The following PPIA variants were observed in gnomAD, a reference collection of about 807,000 sequenced individuals.
The protein encoded by PPIA is peptidyl-prolyl cis-trans isomerase A.
PPIA carries 2 observed loss-of-function variants against 15.3 expected under a neutral mutation model. The ratio of observed to expected loss-of-function variants is 0.13; its 90% CI spans 0.05 to 0.41. The LOEUF is 0.41. Among genes scored for constraint, PPIA ranks in the 10% least tolerant of loss-of-function variants. The pLI is 0.99. For synonymous variants in PPIA, 67 were observed against 73.1 expected (o/e 0.92, Z 0.43); for missense variants, 103 against 210.3 (o/e 0.49, Z 3.16).
chr7:44,797,896 G>A (rs765659670), intron 1 of PPIA: 2 of 152,166 alleles, frequency 1.3e-5, no homozygotes, highest in Non-Finnish European at 2.9e-5. Flanking sequence ...TCTTCGTGAG[G>A]ACAGAGCGAT....
At chr7:44,799,908 CTAAA>C in intron 4 of PPIA, 34 bp downstream of exon 4, 1 of 1,597,874 alleles carries the variant, frequency 6.3e-7, no homozygotes, top group Non-Finnish European at 8.5e-7. Context: ...AACCACCTGA[CTAAA>C]TGAAAAGTTG....
chr7:44,800,822 T>G (rs1197163893), intron 4 of PPIA, among the ~76,000 whole-genome samples: 3 of 152,100 alleles, frequency 2.0e-5, no homozygotes, highest in African/African-American at 7.2e-5. Flanking sequence ...ATTCTATATG[T>G]GTAACTCTTT....
In PPIA at chr7:44,801,533, A is replaced by G. The variant is rs1192026542; in HGVS notation, c.*111A>G. 1 of 670,882 alleles carries G rather than the reference A, an allele frequency of 1.5e-6. No individual in the cohort carries two copies. Among genetic ancestry groups the G allele is most frequent in the Non-Finnish European group, 2.5e-6 (1 of 401,272 alleles). 41.6% of individuals were successfully genotyped at this position (670,882 alleles called of 1,614,324 possible). A position where few individuals can be genotyped will look rare whatever the true frequency, so the allele number is the denominator to read the frequency against. ...CCTAGAATCTTTGTGCTCTCGCTGC[A>G]GTTCCCTTTGGGTTCCATGTTTTCC... On this transcript the variant is annotated 3_prime_UTR_variant, in exon 5 of 5. Coordinates refer to ENST00000468812, the MANE Select transcript of PPIA (RefSeq NM_021130.5).
rs1406142088 is a variant in PPIA, at chr7:44,796,901, C to T, written c.69+108C>T. Reference sequence around the variant, plus strand: ...GCGCGGGGCGACCCTGCTTGAGGGGCGAGCGCGGGCGGGCTGCGGCGCCAT... The same window carrying T: ...GCGCGGGGCGACCCTGCTTGAGGGGTGAGCGCGGGCGGGCTGCGGCGCCAT... On this transcript the variant is annotated intron_variant, in intron 1 of 4. Coordinates refer to ENST00000468812, the MANE Select transcript of PPIA (RefSeq NM_021130.5). 3.4e-6 allele frequency: 4 copies of T among 1,192,012 alleles called. No homozygotes were observed. In the South Asian group the frequency reaches 4.9e-5, roughly 15 times the overall value. The allele number at this position is 1,192,012 out of a possible 1,614,324, so 73.8% of individuals were successfully genotyped here.
chr7:44,802,814 T>G lies in PPIA; in HGVS notation c.*1392T>G, dbSNP rs1163847287. ...TACAGTGCTTGCTGGCAGTTAGATGTCAGGACAATCTAAGCTGAGAAAACC... is the reference window on the plus strand; with the variant it reads ...TACAGTGCTTGCTGGCAGTTAGATGGCAGGACAATCTAAGCTGAGAAAACC... On this transcript the variant is annotated 3_prime_UTR_variant, in exon 5 of 5. Coordinates refer to ENST00000468812, the MANE Select transcript of PPIA (RefSeq NM_021130.5). 1.4e-5 allele frequency: 2 copies of G among 145,548 alleles called. No individual in the cohort carries two copies. Among genetic ancestry groups the G allele is most frequent in the Non-Finnish European group, 3.1e-5 (2 of 64,172 alleles). 9.0% of individuals were successfully genotyped at this position (145,548 alleles called of 1,614,324 possible).
At position 44,799,752 on chromosome 7, in the gene PPIA, G is replaced by A; in HGVS notation, c.240G>A (p.Gly80=). 6.2e-7 allele frequency: 1 copy of A among 1,613,946 alleles called. No individual in the cohort carries two copies. The highest frequency in any genetic ancestry group is 8.5e-7 in the Non-Finnish European group (1 of 1,179,894). Residue 80 remains glycine, a synonymous_variant, in exon 4 of 5, where the codon GGG becomes GGA. Transcript: ENST00000468812. Reference sequence around the variant, plus strand: ...GCACTGGTGGCAAGTCCATCTATGGGGAGAAATTTGAAGATGAGAACTTCA... The same window carrying A: ...GCACTGGTGGCAAGTCCATCTATGGAGAGAAATTTGAAGATGAGAACTTCA... ...HNGTGGKSIY[G]EKFEDENFIL...
intron 1 of PPIA, 102 bp downstream of exon 1, chr7:44,796,895 G>C (rs548723484): frequency 1.2e-5 from 15 of 1,280,882 alleles, no homozygotes; most frequent in Non-Finnish European, 1.6e-5. Context: ...GACCCTGCTT[G>C]AGGGGCGAGC....
Position 44,796,710 on chromosome 7 carries a change from C to A in PPIA, c.-15C>A, listed in dbSNP as rs371436086. On this transcript the variant is annotated 5_prime_UTR_variant, in exon 1 of 5. Transcript: ENST00000468812. The stretch of plus-strand genomic sequence containing the variant: ...TGCAGACGCCACCGCCGAGGAAAAC[C>A]GTGTACTATTAGCCATGGTCAACCC... 28 of 1,609,944 alleles carry A rather than the reference C, an allele frequency of 1.7e-5. No homozygotes were observed. In the African/African-American group the frequency reaches 3.4e-4, roughly 19 times the overall value.
chr7:44,797,082 C>T (rs905040669), intron 1 of PPIA, among the ~76,000 whole-genome samples: 1 of 152,208 alleles, frequency 6.6e-6, no homozygotes, highest in Non-Finnish European at 1.5e-5. Context: ...TCCTGTCCGA[C>T]GCACGTGCTC....
chr7:44,801,188 A>T lies in PPIA; in HGVS notation c.363-99A>T, dbSNP rs1489025624. 4.4e-5 allele frequency: 18 copies of T among 404,976 alleles called. No individual in the cohort carries two copies. The East Asian group carries it at 0.012, about 274-fold the overall frequency. The allele number at this position is 404,976 out of a possible 1,614,324, so 25.1% of individuals were successfully genotyped here. A position where few individuals can be genotyped will look rare whatever the true frequency, so the allele number is the denominator to read the frequency against. ...CATTTAGTACAAAAGGCTTCAGTTA[A>T]AAAAAAAAAAAAAAGCTACCTTTCT... On this transcript the variant is annotated intron_variant, in intron 4 of 4. Coordinates refer to ENST00000468812, the MANE Select transcript of PPIA (RefSeq NM_021130.5).
At chr7:44,798,034 T>G (rs939881048) in intron 1 of PPIA, 2 of 152,292 alleles carry the variant, frequency 1.3e-5, no homozygotes, top group African/African-American at 4.8e-5. Flanking sequence ...TCGTGGAAAC[T>G]TGGCCTGACC....
intron 4 of PPIA, among the ~76,000 whole-genome samples, chr7:44,800,791 TG>T (rs1792530168): frequency 6.6e-6 from 1 of 152,000 alleles, no homozygotes; most frequent in South Asian, 2.1e-4. Context: ...TGTTTGTTTT[TG>T]GGGGAGGGGG....
intron 1 of PPIA, chr7:44,798,810 T>G: frequency 1.0e-6 from 1 of 995,152 alleles, no homozygotes; most frequent in Non-Finnish European, 1.2e-6. Context: ...GTTAACAGAT[T>G]GGAGGTAGTA....
chr7:44,796,917 G>T (rs1792385265), intron 1 of PPIA, 124 bp downstream of exon 1: 1 of 1,099,474 alleles, frequency 9.1e-7, no homozygotes, highest in Non-Finnish European at 1.2e-6. Flanking sequence ...CGGGCGGGCT[G>T]CGGCGCCATT....
In PPIA at chr7:44,801,401, T is replaced by A. The variant is rs752043059; in HGVS notation, c.477T>A (p.Ala159=). The change falls in exon 5 of 5, where the codon GCT becomes GCA. Residue 159 remains alanine, a synonymous_variant. Transcript: ENST00000468812. The part of the protein sequence containing the change: ...NGKTSKKITI[A]DCGQLE ...AGACCAGCAAGAAGATCACCATTGC[T>A]GACTGTGGACAACTCGAATAAGTTT... is the stretch of plus-strand genomic sequence containing the variant. 2 of 1,555,222 alleles carry A rather than the reference T, an allele frequency of 1.3e-6. No individual in the cohort carries two copies. The highest frequency in any genetic ancestry group is 3.3e-5 in the Admixed American group (2 of 59,844).
rs1179212606 is a variant in PPIA at position 44,799,005 on chromosome 7, A to G, written c.70-242A>G. ...GTACTAAAAGTTTGAGACACTTTCT[A>G]GAAGTCTCACTATTTAAGTTATGAC... is the stretch of plus-strand genomic sequence containing the variant. On this transcript the variant is annotated intron_variant, in intron 1 of 4. Coordinates refer to ENST00000468812, the MANE Select transcript of PPIA (RefSeq NM_021130.5). 1.1e-5 allele frequency: 13 copies of G among 1,177,048 alleles called. No homozygotes were observed. The African/African-American group carries it at 1.3e-4, about 12-fold the overall frequency. The allele number at this position is 1,177,048 out of a possible 1,614,324, so 72.9% of individuals were successfully genotyped here. A position where few individuals can be genotyped will look rare whatever the true frequency, so the allele number is the denominator to read the frequency against.
intron 4 of PPIA, 44 bp from the exon 5 acceptor site, chr7:44,801,243 T>C (rs961637983): frequency 1.2e-6 from 2 of 1,606,242 alleles, no homozygotes; most frequent in Non-Finnish European, 1.7e-6. Flanking sequence ...TGGAGGCTGC[T>C]TGTTTGTGGT....
chr7:44,797,703 C>G (rs1308296377), intron 1 of PPIA, among the ~76,000 whole-genome samples: 2 of 152,222 alleles, frequency 1.3e-5, no homozygotes, highest in African/African-American at 4.8e-5. Flanking sequence ...AGCATAGTAT[C>G]TAAACTTGGC....
At chr7:44,798,042 A>C (rs2116982457) in intron 1 of PPIA, 2 of 152,284 alleles carry the variant, frequency 1.3e-5, no homozygotes, top group Admixed American at 1.3e-4. Context: ...ACTTGGCCTG[A>C]CCTAATGTTG....
Sources: allele counts gnomAD v4.1 joint callset (sites outside exome capture counted in the v4.1 genomes callset), GRCh38; gene constraint gnomAD v4.1.1; transcripts MANE v1.5; gene names NCBI Gene and HGNC (gene_info 2026-07-23, HGNC 2026-07-21).